Variants in NEDD4L observed in about 807,000 individuals in gnomAD.
The protein encoded by NEDD4L is E3 ubiquitin-protein ligase NEDD4-like.
NEDD4L carries 54 observed loss-of-function variants against 148.9 expected under a neutral mutation model. The ratio of observed to expected loss-of-function variants is 0.36; its 90% CI spans 0.29 to 0.45. NEDD4L has a LOEUF of 0.45. Ranked by LOEUF, NEDD4L falls within the 20% of genes least tolerant of loss-of-function variation. The pLI is 1.00. For missense variants in NEDD4L, 856 were observed against 1,233.8 expected, an observed-to-expected ratio of 0.69 and a Z score of 4.59; for synonymous variants, 433 against 440.7, an observed-to-expected ratio of 0.98 and a Z score of 0.22.
intron 2 of NEDD4L, among the ~76,000 whole-genome samples, chr18:58,180,889 C>G (rs920977152): frequency 2.6e-5 from 4 of 152,244 alleles, no homozygotes; most frequent in Non-Finnish European, 4.4e-5. Context: ...TCTTAACTGT[C>G]TATTCCTTCT....
At chr18:58,272,588 C>G (rs2051208063) in intron 5 of NEDD4L, among the ~76,000 whole-genome samples, 1 of 151,702 alleles carries the variant, frequency 6.6e-6, no homozygotes, top group African/African-American at 2.4e-5. Flanking sequence ...TGTGATTACA[C>G]CACTATACTC....
rs181206266 is a variant in NEDD4L, at chr18:58,386,213, C to T, written c.2487+627C>T. On this transcript the variant is annotated intron_variant, in intron 26 of 30. Transcript: ENST00000400345. Reference sequence around the variant, plus strand: ...GACTACAGGCACGCGCCACCACACCCAGCTAATTTTTGTATTTTTAGTAGA... The same window carrying T: ...GACTACAGGCACGCGCCACCACACCTAGCTAATTTTTGTATTTTTAGTAGA... Among the ~76,000 whole-genome samples, 1,215 of 152,186 alleles carry T rather than the reference C, an allele frequency of 8.0e-3. 13 individuals are homozygous for T. The highest frequency in any genetic ancestry group is 0.028 in the African/African-American group (1,147 of 41,524).
rs190669179 is a variant in NEDD4L at position 58,283,322 on chromosome 18, C to T, written c.297+31268C>T. Among the ~76,000 whole-genome samples, 971 of 152,246 alleles carry T rather than the reference C, an allele frequency of 6.4e-3. 5 individuals are homozygous for T. The highest frequency in any genetic ancestry group is 9.9e-3 in the Non-Finnish European group (676 of 68,026). On this transcript the variant is annotated intron_variant, in intron 5 of 30. Coordinates refer to ENST00000400345, the MANE Select transcript of NEDD4L (RefSeq NM_001144967.3). Reference sequence around the variant, plus strand: ...AACTCCTGACCTCAGGTGATCCACCCGCCTCGGCCTCCCAAAGTGCTGGGA... The same window carrying T: ...AACTCCTGACCTCAGGTGATCCACCTGCCTCGGCCTCCCAAAGTGCTGGGA...
rs771542584 is a variant in NEDD4L at position 58,400,765 on chromosome 18, G to C, written c.*4496G>C. ...AAGCCTTCCTCGTGACCATAACTCT[G>C]TGTCTGCAGATATGTGTTCCCGTGT... On this transcript the variant is annotated 3_prime_UTR_variant, in exon 31 of 31. Transcript: ENST00000400345. 2.0e-5 allele frequency: 3 copies of C among 152,108 alleles called. No individual in the cohort carries two copies. The highest frequency in any genetic ancestry group is 4.4e-5 in the Non-Finnish European group (3 of 68,030). The allele number at this position is 152,108 out of a possible 1,614,324, so 9.4% of individuals were successfully genotyped here.
At chr18:58,349,358 T>C (rs1028418950) in intron 16 of NEDD4L, among the ~76,000 whole-genome samples, 179 bp from the exon 17 acceptor site, 1 of 152,134 alleles carries the variant, frequency 6.6e-6, no homozygotes, top group Non-Finnish European at 1.5e-5. Context: ...AAGAGTACAG[T>C]CTGTCTCGAG....
chr18:58,129,819 G>A (rs923162579), intron 1 of NEDD4L, among the ~76,000 whole-genome samples: 2 of 151,324 alleles, frequency 1.3e-5, no homozygotes, highest in Non-Finnish European at 2.9e-5. Flanking sequence ...TTGGTTGACT[G>A]TGATCTAGTG....
intron 2 of NEDD4L, among the ~76,000 whole-genome samples, chr18:58,229,674 G>A (rs143186349): frequency 2.6e-5 from 4 of 152,144 alleles, no homozygotes; most frequent in African/African-American, 9.7e-5. Flanking sequence ...TATCTAGATT[G>A]AGGCTTATAC....
chr18:58,277,530 G>A (rs2052326409), intron 5 of NEDD4L, among the ~76,000 whole-genome samples: 1 of 152,056 alleles, frequency 6.6e-6, no homozygotes, highest in Non-Finnish European at 1.5e-5. Flanking sequence ...CGGCAGCTAG[G>A]TGACAGTTGC....
At chr18:58,271,979 A>G (rs904685381) in intron 5 of NEDD4L, among the ~76,000 whole-genome samples, 7 of 152,208 alleles carry the variant, frequency 4.6e-5, no homozygotes, top group African/African-American at 7.2e-5. Flanking sequence ...GCAAATTACA[A>G]CTTCAAGCCT....
intron 5 of NEDD4L, among the ~76,000 whole-genome samples, chr18:58,295,600 A>C (rs2055443092): frequency 6.6e-6 from 1 of 152,296 alleles, no homozygotes; most frequent in East Asian, 1.9e-4. Context: ...ACATATCAAT[A>C]CTTTAATATT....
intron 5 of NEDD4L, among the ~76,000 whole-genome samples, chr18:58,295,240 T>TA (rs1436960514): frequency 6.6e-6 from 1 of 152,244 alleles, no homozygotes; most frequent in Non-Finnish European, 1.5e-5. Context: ...TTCACTGCCC[T>TA]AAAAATCCTC....
chr18:58,068,338 T>C (rs2082711779), intron 1 of NEDD4L, among the ~76,000 whole-genome samples: 1 of 152,124 alleles, frequency 6.6e-6, no homozygotes, highest in African/African-American at 2.4e-5. Context: ...CAGCTGAGAC[T>C]ACAGGCGCCT....
At chr18:58,316,430 C>T (rs987629384) in intron 6 of NEDD4L, among the ~76,000 whole-genome samples, 8 of 152,184 alleles carry the variant, frequency 5.3e-5, no homozygotes, top group African/African-American at 9.7e-5. Context: ...TGTCTGGAAC[C>T]GCACATGCCA....
intron 4 of NEDD4L, among the ~76,000 whole-genome samples, chr18:58,249,980 T>C (rs954143625): frequency 1.3e-5 from 2 of 152,368 alleles, no homozygotes; most frequent in African/African-American, 4.8e-5. Flanking sequence ...CTCTGAAATA[T>C]AGCTTTCCAC....
chr18:58,062,975 G>A (rs7229083), intron 1 of NEDD4L, among the ~76,000 whole-genome samples: 109,336 of 134,200 alleles, frequency 0.81, 44,800 homozygotes, highest in East Asian at 1. Flanking sequence ...GCGACAGAGC[G>A]AAACTCCATC....
At chr18:58,044,813 C>G in intron 1 of NEDD4L, 105 bp downstream of exon 1, 1 of 1,415,374 alleles carries the variant, frequency 7.1e-7, no homozygotes, top group Non-Finnish European at 9.5e-7. Context: ...TGCCCAGCGT[C>G]TGCAGGGGAG....
Position 58,166,160 on chromosome 18 carries a change from T to C in NEDD4L, c.122+299T>C, listed in dbSNP as rs545891655. On this transcript the variant is annotated intron_variant, in intron 2 of 30. Coordinates refer to ENST00000400345, the MANE Select transcript of NEDD4L (RefSeq NM_001144967.3). ...TCAGTAGAAAAATACAGTGTGGGAC[T>C]ATGGCTCTGCTTATTTTAATACTTC... Among the ~76,000 whole-genome samples the C allele has an allele frequency of 7.5e-4, 115 of 152,372 alleles. 4 individuals are homozygous for C. In the South Asian group the frequency reaches 0.022, roughly 29 times the overall value.
chr18:58,295,633 A>G lies in NEDD4L; in HGVS notation c.298-20349A>G, dbSNP rs374029129. 2.9e-4 allele frequency among the ~76,000 whole-genome samples: 44 copies of G among 152,284 alleles called. 1 individual carries two copies. The South Asian group carries it at 8.9e-3, about 31-fold the overall frequency. ...ATTTAAAATATCTCAGTGATCATAT[A>G]GCCTCAGAAAGCACAGTTTTCTGAG... On this transcript the variant is annotated intron_variant, in intron 5 of 30. Transcript: ENST00000400345.
At chr18:58,051,188 G>A (rs943099312) in intron 1 of NEDD4L, among the ~76,000 whole-genome samples, 8 of 152,082 alleles carry the variant, frequency 5.3e-5, no homozygotes, top group Admixed American at 3.9e-4. Flanking sequence ...AGCCTGGGAG[G>A]TTGAGGCTGC....
Sources: gnomAD v4.1 joint callset for allele counts (sites outside exome capture counted in the v4.1 genomes callset) on GRCh38, gnomAD v4.1.1 for gene constraint, MANE v1.5 for transcripts, NCBI Gene and HGNC (gene_info 2026-07-23, HGNC 2026-07-21) for gene names.